Variants in RHOD observed in about 807,000 individuals in gnomAD.
RHOD encodes the protein ras homolog family member D.
In RHOD, 11 loss-of-function variants were observed where a neutral mutation model predicts 16.7. The observed-to-expected ratio is 0.66, with a 90% CI of 0.41 to 1.09. The LOEUF is 1.09. Ranked by LOEUF, RHOD falls within the 50% of genes least tolerant of loss-of-function variation. The probability of loss-of-function intolerance (pLI) is 0.00; values close to 1 mark genes in which losing one functional copy is unlikely to be tolerated. For missense variants in RHOD, 271 were observed against 291.7 expected, an observed-to-expected ratio of 0.93 and a Z score of 0.52; for synonymous variants, 124 against 126.3, an observed-to-expected ratio of 0.98 and a Z score of 0.12.
rs771237225 is a variant in RHOD, at chr11:67,066,756, G to T, written c.239G>T (p.Arg80Leu). The change falls in exon 3 of 5, where the codon CGC becomes CTC. Residue 80 changes from arginine (R) to leucine (L), a missense_variant. Coordinates refer to ENST00000308831, the MANE Select transcript of RHOD (RefSeq NM_014578.4). ...TGCCCAGGGCAAGATGACTATGACC[G>T]CCTGCGGCCCCTGTTCTACCCTGAC... ...WDTAGQDDYD[R>L]LRPLFYPDAS... 2 of 1,612,982 alleles carry T rather than the reference G, an allele frequency of 1.2e-6. No individual in the cohort carries two copies. The highest frequency in any genetic ancestry group is 1.7e-5 in the Admixed American group (1 of 60,024).
At chr11:67,066,624 A>C (rs1210201581) in intron 2 of RHOD, 114 bp from the exon 3 acceptor site, 1 of 763,164 alleles carries the variant, frequency 1.3e-6, no homozygotes, top group African/African-American at 1.7e-5. Flanking sequence ...TGAGGCAAAA[A>C]ACTAGGCCCT....
rs372435725 is a variant in RHOD, at chr11:67,070,536, T to C, written c.442T>C (p.Leu148=). ...GGTGAACAAGCTCCGAAGAAACGGA[T>C]TGGAGCCTGTGACCTACCACAGGGT... ...SLVNKLRRNG[L]EPVTYHRGQE... Residue 148 remains leucine (L), a synonymous_variant, in exon 4 of 5, where the codon TTG becomes CTG. Transcript: ENST00000308831. 15 of 1,613,980 alleles carry C rather than the reference T, an allele frequency of 9.3e-6. No individual in the cohort carries two copies. The highest frequency in any genetic ancestry group is 8.8e-5 in the South Asian group (8 of 91,070).
Position 67,071,833 on chromosome 11 carries a change from C to T in RHOD, c.*231C>T, listed in dbSNP as rs1377699991. On this transcript the variant is annotated 3_prime_UTR_variant, in exon 5 of 5. Coordinates refer to ENST00000308831, the MANE Select transcript of RHOD (RefSeq NM_014578.4). Reference sequence around the variant, plus strand: ...GCGGTGCCCGAGAATCACTCGCTAACCCCTATGCCCGGTCCCGGACCGACA... The same window carrying T: ...GCGGTGCCCGAGAATCACTCGCTAATCCCTATGCCCGGTCCCGGACCGACA... The T allele has an allele frequency of 6.4e-6, 3 of 468,396 alleles. No individual in the cohort carries two copies. The highest frequency in any genetic ancestry group is 2.0e-5 in the African/African-American group (1 of 49,528). The allele number at this position is 468,396 out of a possible 1,614,324, so 29.0% of individuals were successfully genotyped here.
chr11:67,071,732 C>A lies in RHOD; in HGVS notation c.*130C>A. 1 of 1,012,802 alleles carries A rather than the reference C, an allele frequency of 9.9e-7. No individual in the cohort carries two copies. The highest frequency in any genetic ancestry group is 1.4e-6 in the Non-Finnish European group (1 of 715,902). 62.7% of individuals were successfully genotyped at this position (1,012,802 alleles called of 1,614,324 possible). ...TGCAACAGACGGGCGCCACCAAAGC[C>A]AGGCCCTGAGGCCTGGGAGTCCTGG... On this transcript the variant is annotated 3_prime_UTR_variant, in exon 5 of 5. Coordinates refer to ENST00000308831, the MANE Select transcript of RHOD (RefSeq NM_014578.4).
intron 3 of RHOD, 67 bp downstream of exon 3, chr11:67,066,914 C>T (rs2136248408): frequency 4.8e-6 from 5 of 1,049,902 alleles, no homozygotes; most frequent in South Asian, 1.3e-5. Flanking sequence ...CACCCACCCT[C>T]GACCCAGCTG....
At chr11:67,057,164 A>G (rs986696590) in intron 1 of RHOD, 130 bp downstream of exon 1, 39 of 1,141,050 alleles carry the variant, frequency 3.4e-5, no homozygotes, top group Middle Eastern at 3.1e-4. Flanking sequence ...CCTGGGGTCC[A>G]GGGCAGAGTT....
Position 67,071,481 on chromosome 11 carries a change from G to T in RHOD, c.512G>T (p.Cys171Phe). 1 of 1,607,918 alleles carries T rather than the reference G, an allele frequency of 6.2e-7. No homozygotes were observed. Residue 171 changes from cysteine (C) to phenylalanine (F), a missense_variant, in exon 5 of 5, where the codon TGC (cysteine) becomes TTC (phenylalanine). By Grantham distance (205) the Cys-to-Phe change is radical. Coordinates refer to ENST00000308831, the MANE Select transcript of RHOD (RefSeq NM_014578.4). ...RSVGAVAYLE[C>F]SARLHDNVHA... ...GTGGGCGCGGTGGCCTACCTCGAGT[G>T]CTCGGCTCGGCTCCATGACAACGTC... is the stretch of plus-strand genomic sequence containing the variant.
rs868432613 is a variant in RHOD, at chr11:67,061,254, C to A, written c.132+4220C>A. Among the ~76,000 whole-genome samples the A allele has an allele frequency of 2.6e-5, 4 of 152,100 alleles. No homozygotes were observed. In the Middle Eastern group the frequency reaches 0.014, roughly 517 times the overall value. Reference sequence around the variant, plus strand: ...GTGGCTCACACCTGTAATCCCTGCTCTTTGGGAGGCCAAGGTGTGCAGATC... The same window carrying A: ...GTGGCTCACACCTGTAATCCCTGCTATTTGGGAGGCCAAGGTGTGCAGATC... On this transcript the variant is annotated intron_variant, in intron 1 of 4. Coordinates refer to ENST00000308831, the MANE Select transcript of RHOD (RefSeq NM_014578.4).
intron 4 of RHOD, among the ~76,000 whole-genome samples, chr11:67,070,774 G>A (rs1342502034): frequency 6.6e-6 from 1 of 152,160 alleles, no homozygotes; most frequent in Non-Finnish European, 1.5e-5. Context: ...CAAGGAAGTA[G>A]GCATATCAGA....
At chr11:67,060,248 C>T (rs1404287938) in intron 1 of RHOD, among the ~76,000 whole-genome samples, 3 of 152,230 alleles carry the variant, frequency 2.0e-5, no homozygotes, top group Non-Finnish European at 2.9e-5. Flanking sequence ...AGCCAGGTCC[C>T]CCATCTTGGT....
At position 67,070,186 on chromosome 11, in the gene RHOD, C is replaced by T. The variant is rs372212686; in HGVS notation, c.331-239C>T. On this transcript the variant is annotated intron_variant, in intron 3 of 4. Transcript: ENST00000308831. Reference sequence around the variant, plus strand: ...CATCGCCTTTCTGTGCCTCAGTTACCGCACCTGTACAGTGGGATTGGTTGT... The same window carrying T: ...CATCGCCTTTCTGTGCCTCAGTTACTGCACCTGTACAGTGGGATTGGTTGT... 17 of 588,356 alleles carry T rather than the reference C, an allele frequency of 2.9e-5. 1 individual carries two copies. The East Asian group carries it at 3.3e-4, about 11-fold the overall frequency. 36.4% of individuals were successfully genotyped at this position (588,356 alleles called of 1,614,324 possible). A position where few individuals can be genotyped will look rare whatever the true frequency, so the allele number is the denominator to read the frequency against.
intron 1 of RHOD, 49 bp downstream of exon 1, chr11:67,057,083 G>T: frequency 1.4e-6 from 2 of 1,393,948 alleles, no homozygotes; most frequent in Non-Finnish European, 1.8e-6. Context: ...GCGCGCCCGG[G>T]TGTACAGGTC....
At chr11:67,057,281 T>A (rs140499700) in intron 1 of RHOD, among the ~76,000 whole-genome samples, 249 of 152,360 alleles carry the variant, frequency 1.6e-3, no homozygotes, top group African/African-American at 5.9e-3. Flanking sequence ...TGAGGCGACC[T>A]GGGTGCACAC....
chr11:67,061,757 T>A (rs7111691), intron 1 of RHOD, among the ~76,000 whole-genome samples: 37,611 of 117,852 alleles, frequency 0.32, 6,369 homozygotes, highest in South Asian at 0.49. Flanking sequence ...AAAAAAAAAA[T>A]ATATATATAT....
chr11:67,057,062 C>G (rs1473590212), intron 1 of RHOD, 28 bp downstream of exon 1: 1 of 1,409,576 alleles, frequency 7.1e-7, no homozygotes, highest in Non-Finnish European at 9.2e-7. Flanking sequence ...CCGCCTCGCC[C>G]GGTTCCGCTC....
intron 1 of RHOD, among the ~76,000 whole-genome samples, chr11:67,063,521 GGCGTGGTGGCTCAT>G (rs1854917691): frequency 7.3e-6 from 1 of 136,356 alleles, no homozygotes; most frequent in African/African-American, 3.0e-5. Flanking sequence ...AAAAAGGCCA[GGCGTGGTGGCTCAT>G]GCCTGTAATC....
chr11:67,060,471 C>T (rs919097529), intron 1 of RHOD, among the ~76,000 whole-genome samples: 5 of 152,204 alleles, frequency 3.3e-5, no homozygotes, highest in African/African-American at 9.6e-5. Flanking sequence ...TCTAGGATGA[C>T]GTCCCGAGTG....
In RHOD at chr11:67,071,456, G is replaced by A. The variant is rs749309126; in HGVS notation, c.487G>A (p.Val163Met). 6.3e-7 allele frequency: 1 copy of A among 1,598,318 alleles called. No individual in the cohort carries two copies. Among genetic ancestry groups the A allele is most frequent in the East Asian group, 2.2e-5 (1 of 44,610 alleles). Residue 163 changes from valine to methionine, a missense_variant, in exon 5 of 5, where the codon GTG becomes ATG. Physicochemically the swap from Val to Met is conservative, Grantham distance 21. Coordinates refer to ENST00000308831, the MANE Select transcript of RHOD (RefSeq NM_014578.4). ...CTAGGGCCAGGAGATGGCGAGGTCC[G>A]TGGGCGCGGTGGCCTACCTCGAGTG... ...YHRGQEMARS[V>M]GAVAYLECSA... is the part of the protein sequence containing the mutation.
chr11:67,068,558 A>G (rs1343453695), intron 3 of RHOD, among the ~76,000 whole-genome samples: 2 of 152,044 alleles, frequency 1.3e-5, no homozygotes, highest in Non-Finnish European at 2.9e-5. Context: ...ACGCCTTGTA[A>G]TCCCAGCACT....
Sources: allele counts gnomAD v4.1 joint callset (sites outside exome capture counted in the v4.1 genomes callset), GRCh38; gene constraint gnomAD v4.1.1; transcripts MANE v1.5; gene names NCBI Gene and HGNC (gene_info 2026-07-23, HGNC 2026-07-21).